The following FCAMR variants were observed in gnomAD, a reference collection of about 807,000 sequenced individuals.
The protein encoded by FCAMR is Fc alpha and mu receptor.
FCAMR carries 51 observed loss-of-function variants against 52.2 expected under a neutral mutation model. The observed-to-expected ratio is 0.98, with a 90% confidence interval of 0.78 to 1.23. The LOEUF is 1.23. Ranked by LOEUF, FCAMR falls within the 50% of genes most tolerant of loss-of-function variation. FCAMR has a pLI of 0.00. For synonymous variants in FCAMR, 282 were observed against 262.0 expected (o/e 1.08, Z -0.74); for missense variants, 719 against 712.6 (o/e 1.01, Z -0.10).
At chr1:206,958,883 C>A (rs1317998031) in intron 7 of FCAMR, 4 of 688,016 alleles carry the variant, frequency 5.8e-6, no homozygotes, top group Non-Finnish European at 1.1e-5. Context: ...GCCTCCTCCA[C>A]TTGCTGCCAG....
At position 206,966,909 on chromosome 1, in the gene FCAMR, A is replaced by G. The variant is rs1680733287; in HGVS notation, c.169+143T>C. 40 of 710,106 alleles carry G rather than the reference A, an allele frequency of 5.6e-5. 1 individual carries two copies. The South Asian group carries it at 6.7e-4, about 12-fold the overall frequency. 44.0% of individuals were successfully genotyped at this position (710,106 alleles called of 1,614,324 possible). On this transcript the variant is annotated intron_variant, in intron 3 of 7. Transcript: ENST00000324852. ...CCATCAGAATAAAATCTACTACAGC[A>G]TGGAGATGGAGCCATTTGTCATCTG...
intron 4 of FCAMR, among the ~76,000 whole-genome samples, chr1:206,963,297 CT>C (rs1680580809): frequency 6.6e-6 from 1 of 152,114 alleles, no homozygotes; most frequent in Admixed American, 6.5e-5. Flanking sequence ...AATATGTCTG[CT>C]TGGCAACAGG....
chr1:206,966,689 G>A (rs1680723785), intron 3 of FCAMR, among the ~76,000 whole-genome samples: 2 of 152,172 alleles, frequency 1.3e-5, no homozygotes, highest in Admixed American at 1.3e-4. Context: ...CGACCTTATT[G>A]GCTACCTTTG....
At chr1:206,965,248 A>C (rs1331710644) in intron 4 of FCAMR, among the ~76,000 whole-genome samples, 1 of 152,220 alleles carries the variant, frequency 6.6e-6, no homozygotes, top group Non-Finnish European at 1.5e-5. Context: ...TGAGAGGAGC[A>C]GGGTTCCACT....
rs1228685248 is a variant in FCAMR at position 206,965,771 on chromosome 1, A to G, written c.257T>C (p.Met86Thr). 1.9e-6 allele frequency: 3 copies of G among 1,581,428 alleles called. No homozygotes were observed. The highest frequency in any genetic ancestry group is 1.9e-5 in the Admixed American group (1 of 51,772). The change falls in exon 4 of 8, where the codon ATG becomes ACG. Residue 86 changes from methionine to threonine, a missense_variant. Met to Thr is a moderately conservative substitution (Grantham distance 81). Coordinates refer to ENST00000324852, the MANE Select transcript of FCAMR (RefSeq NM_001170631.2). ...SLPSRTHLRA[M>T]GTLRPSSPLC... is the part of the protein sequence containing the mutation. ...GGGCGAGGAAGGCCTGAGTGTTCCC[A>G]TGGCCCGGAGATGGGTCCTGGAGGG...
chr1:206,965,232 A>G (rs1291415379), intron 4 of FCAMR, among the ~76,000 whole-genome samples: 1 of 152,180 alleles, frequency 6.6e-6, no homozygotes, highest in African/African-American at 2.4e-5. Flanking sequence ...CTGTATGTGA[A>G]ACATTTGAGA....
intron 7 of FCAMR, chr1:206,959,024 T>A: frequency 6.2e-6 from 3 of 485,152 alleles, no homozygotes; most frequent in Non-Finnish European, 1.3e-5. Flanking sequence ...CGAGGTTTGA[T>A]CCCAGGTCTG....
chr1:206,967,263 C>T (rs1042709413), intron 2 of FCAMR, 151 bp from the exon 3 acceptor site: 16 of 771,876 alleles, frequency 2.1e-5, no homozygotes, highest in Middle Eastern at 6.6e-4. Flanking sequence ...ACAAGCACTT[C>T]CCTCCCTGAG....
chr1:206,961,011 G>A lies in FCAMR; in HGVS notation c.865C>T (p.Pro289Ser), dbSNP rs1680489718. The change falls in exon 6 of 8, where the codon CCA (proline) becomes TCA (serine). Residue 289 changes from proline (P) to serine (S), a missense_variant. Coordinates refer to ENST00000324852, the MANE Select transcript of FCAMR (RefSeq NM_001170631.2). ...EGRRTPGATR[P>S]AAPGTGSWAE... The stretch of plus-strand genomic sequence containing the variant: ...CAGCTGCCTGTCCCTGGAGCTGCTG[G>A]CCTGGTTGCTCCTGGGGTTCGTCTT... The A allele has an allele frequency of 6.4e-7, 1 of 1,551,888 alleles. No individual in the cohort carries two copies. Among genetic ancestry groups the A allele is most frequent in the Non-Finnish European group, 8.7e-7 (1 of 1,147,042 alleles).
chr1:206,965,707 G>A lies in FCAMR; in HGVS notation c.313+8C>T, dbSNP rs753611897. On this transcript the variant is annotated splice_region_variant and intron_variant, in intron 4 of 7. Transcript: ENST00000324852. Reference sequence around the variant, plus strand: ...CATGGTCGAACAAAGGGAGAGTAGGGGTTGTACCTGCAAAGGAGCTCTCCT... The same window carrying A: ...CATGGTCGAACAAAGGGAGAGTAGGAGTTGTACCTGCAAAGGAGCTCTCCT... The A allele has an allele frequency of 2.6e-6, 4 of 1,562,688 alleles. No individual in the cohort carries two copies. In the African/African-American group the frequency reaches 5.5e-5, roughly 22 times the overall value.
chr1:206,961,855 C>T (rs1180327713), intron 5 of FCAMR, among the ~76,000 whole-genome samples: 1 of 152,244 alleles, frequency 6.6e-6, no homozygotes, highest in Non-Finnish European at 1.5e-5. Context: ...GTCACACCTC[C>T]TCTGCAGTGC....
Position 206,958,400 on chromosome 1 carries a change from G to T in FCAMR, c.*116C>A. The T allele has an allele frequency of 2.5e-6, 3 of 1,187,134 alleles. No individual in the cohort carries two copies. The highest frequency in any genetic ancestry group is 3.5e-6 in the Non-Finnish European group (3 of 863,536). The allele number at this position is 1,187,134 out of a possible 1,614,324, so 73.5% of individuals were successfully genotyped here. A position where few individuals can be genotyped will look rare whatever the true frequency, so the allele number is the denominator to read the frequency against. On this transcript the variant is annotated 3_prime_UTR_variant, in exon 8 of 8. Transcript: ENST00000324852. ...TTCTTCCATGGGTGGAGCACCGGCT[G>T]CATCAGCTTCTCTTCCCACAGGTGG...
intron 4 of FCAMR, among the ~76,000 whole-genome samples, chr1:206,964,731 T>A (rs1167163630): frequency 6.6e-6 from 1 of 152,126 alleles, no homozygotes; most frequent in African/African-American, 2.4e-5. Flanking sequence ...TTCTTTTCTT[T>A]ATAAATTACC....
Position 206,958,533 on chromosome 1 carries a change from T to C in FCAMR, c.1717A>G (p.Arg573Gly), listed in dbSNP as rs61729353. The C allele has an allele frequency of 6.6e-3, 10,716 of 1,612,474 alleles. 601 individuals are homozygous for C. The African/African-American group carries it at 0.12, about 19-fold the overall frequency. The change falls in exon 8 of 8, where the codon AGA (arginine) becomes GGA (glycine). Residue 573 changes from arginine (R) to glycine (G), a missense_variant. Transcript: ENST00000324852. ...PAGASLTAPE[R>G]NPGP is the part of the protein sequence containing the mutation. ...TCTGTCCCTCAGGGTCCTGGATTTCTCTCTGGGGCAGTCAGGCTGGCCCCA... is the reference window on the plus strand; with the variant it reads ...TCTGTCCCTCAGGGTCCTGGATTTCCCTCTGGGGCAGTCAGGCTGGCCCCA...
intron 4 of FCAMR, among the ~76,000 whole-genome samples, chr1:206,963,677 C>T: frequency 6.6e-6 from 1 of 152,152 alleles, no homozygotes; most frequent in African/African-American, 2.4e-5. Context: ...TCTATCCCTT[C>T]CCCTGTTCAA....
At chr1:206,967,510 G>T in intron 2 of FCAMR, 73 bp downstream of exon 2, 1 of 1,489,048 alleles carries the variant, frequency 6.7e-7, no homozygotes, top group Non-Finnish European at 9.3e-7. Flanking sequence ...ACCTTGGAAG[G>T]TTAGTCTCAG....
In FCAMR at chr1:206,960,690, G is replaced by A. The variant is rs1191778278; in HGVS notation, c.1186C>T (p.Pro396Ser). 1.0e-5 allele frequency: 16 copies of A among 1,552,062 alleles called. No individual in the cohort carries two copies. Among genetic ancestry groups the A allele is most frequent in the African/African-American group, 1.4e-5 (1 of 73,038 alleles). The change falls in exon 6 of 8, where the codon CCA (proline) becomes TCA (serine). Residue 396 changes from proline (P) to serine (S), a missense_variant. Pro to Ser is a moderately conservative substitution (Grantham distance 74). Coordinates refer to ENST00000324852, the MANE Select transcript of FCAMR (RefSeq NM_001170631.2). ...CCCTGAGATTGTTGCTTAGAAACTG[G>A]CGTTGCTTGTGGGAGGATTTCCCAG... Reference protein sequence around the residue: ...LAWEILPQATPVSKQQSQGSI... With the variant: ...LAWEILPQATSVSKQQSQGSI...
At chr1:206,959,931 T>C (rs1286832473) in intron 6 of FCAMR, 134 bp from the exon 7 acceptor site, 2 of 697,092 alleles carry the variant, frequency 2.9e-6, no homozygotes, top group African/African-American at 1.8e-5. Context: ...CTGGTTCCCA[T>C]GGCTGGTTAG....
At chr1:206,970,017 G>A (rs1033781495) in intron 1 of FCAMR, 70 bp downstream of exon 1, 3 of 1,585,120 alleles carry the variant, frequency 1.9e-6, no homozygotes, top group African/African-American at 1.3e-5. Flanking sequence ...ATGTGTGACA[G>A]CTATGGCTGC....
Sources: allele counts gnomAD v4.1 joint callset (sites outside exome capture counted in the v4.1 genomes callset), GRCh38; gene constraint gnomAD v4.1.1; transcripts MANE v1.5; gene names NCBI Gene and HGNC (gene_info 2026-07-23, HGNC 2026-07-21).